ADAMTS6: variants seen among roughly 807,000 people sequenced by gnomAD.
ADAMTS6 encodes the protein A disintegrin and metalloproteinase with thrombospondin motifs 6.
Under a neutral mutation model 144.3 loss-of-function variants are expected in ADAMTS6, and 23 were observed. That is an observed-to-expected ratio of 0.16 (90% CI 0.11 to 0.23). The LOEUF (loss-of-function observed/expected upper bound fraction) is 0.23, where lower values mean the gene tolerates loss of function less well. ADAMTS6 is among the 10% of genes least tolerant of loss of function. ADAMTS6 has a pLI of 1.00. For missense variants in ADAMTS6, 999 were observed against 1,379.6 expected, an observed-to-expected ratio of 0.72 and a Z score of 4.37; for synonymous variants, 444 against 457.5, an observed-to-expected ratio of 0.97 and a Z score of 0.38.
At position 65,230,874 on chromosome 5, in the gene ADAMTS6, A is replaced by G. The variant is rs181519503; in HGVS notation, c.1934-4655T>C. On this transcript the variant is annotated intron_variant, in intron 15 of 24. Coordinates refer to ENST00000381055, the MANE Select transcript of ADAMTS6 (RefSeq NM_197941.4). The stretch of plus-strand genomic sequence containing the variant: ...TATATGAAATATATATAATACATAT[A>G]TATGAAATATATATAAAATACATAT... Among the ~76,000 whole-genome samples the G allele has an allele frequency of 2.4e-3, 339 of 143,092 alleles. 6 individuals are homozygous for G. The highest frequency in any genetic ancestry group is 8.0e-3 in the African/African-American group (314 of 39,456). 93.9% of individuals were successfully genotyped at this position (143,092 alleles called of 152,430 possible).
chr5:65,260,767 T>C, intron 13 of ADAMTS6, 104 bp from the exon 14 acceptor site: 1 of 768,694 alleles, frequency 1.3e-6, no homozygotes, highest in Non-Finnish European at 2.1e-6. Flanking sequence ...TTTCAAAAAA[T>C]ATATCATTTG....
At chr5:65,414,765 G>C (rs1326453963) in intron 7 of ADAMTS6, among the ~76,000 whole-genome samples, 1 of 152,148 alleles carries the variant, frequency 6.6e-6, no homozygotes, top group Non-Finnish European at 1.5e-5. Flanking sequence ...TTGTGAAAAT[G>C]TGTTTTGTAT....
chr5:65,455,593 T>G (rs1307827482), intron 4 of ADAMTS6, among the ~76,000 whole-genome samples: 1 of 151,686 alleles, frequency 6.6e-6, no homozygotes, highest in Non-Finnish European at 1.5e-5. Context: ...TTTCAAATAT[T>G]TTGTCCAGTA....
At chr5:65,240,833 A>G (rs79675994) in intron 15 of ADAMTS6, among the ~76,000 whole-genome samples, 2 of 152,180 alleles carry the variant, frequency 1.3e-5, no homozygotes, top group Non-Finnish European at 2.9e-5. Flanking sequence ...GGAATTTTGG[A>G]GGTAAAGCCA....
At chr5:65,446,481 C>T (rs916192462) in intron 7 of ADAMTS6, among the ~76,000 whole-genome samples, 4 of 152,090 alleles carry the variant, frequency 2.6e-5, no homozygotes, top group African/African-American at 4.8e-5. Context: ...ACTTGGTGTG[C>T]AATTTTTGCA....
chr5:65,292,429 A>C (rs1184814334), intron 10 of ADAMTS6, among the ~76,000 whole-genome samples: 1 of 151,552 alleles, frequency 6.6e-6, no homozygotes, highest in Non-Finnish European at 1.5e-5. Flanking sequence ...CACTTTGCCA[A>C]AGGAAAATAA....
chr5:65,408,156 C>T (rs976122450), intron 7 of ADAMTS6, among the ~76,000 whole-genome samples: 4 of 152,090 alleles, frequency 2.6e-5, no homozygotes, highest in Non-Finnish European at 2.9e-5. Context: ...CAATATTAAC[C>T]TTAAATGTAA....
chr5:65,376,865 A>G (rs1425231515), intron 7 of ADAMTS6, among the ~76,000 whole-genome samples: 1 of 152,030 alleles, frequency 6.6e-6, no homozygotes, highest in Non-Finnish European at 1.5e-5. Context: ...AAAAAAATTA[A>G]CAAAACAGCT....
chr5:65,332,373 T>C (rs934521269), intron 8 of ADAMTS6, among the ~76,000 whole-genome samples: 26 of 150,894 alleles, frequency 1.7e-4, no homozygotes, highest in African/African-American at 5.8e-4. Flanking sequence ...TGTGTGTATA[T>C]ACACATTTCT....
At chr5:65,228,492 T>G (rs1217137148) in intron 15 of ADAMTS6, among the ~76,000 whole-genome samples, 1 of 152,124 alleles carries the variant, frequency 6.6e-6, no homozygotes, top group Non-Finnish European at 1.5e-5. Flanking sequence ...AGCTTTCTAC[T>G]ATCATCTCCC....
intron 7 of ADAMTS6, among the ~76,000 whole-genome samples, chr5:65,340,806 AAAAC>A (rs1446458061): frequency 6.6e-6 from 1 of 152,106 alleles, no homozygotes; most frequent in Non-Finnish European, 1.5e-5. Flanking sequence ...TATATCAGAT[AAAAC>A]AAACTTGAAA....
intron 7 of ADAMTS6, among the ~76,000 whole-genome samples, chr5:65,398,041 C>A (rs1477434521): frequency 6.6e-6 from 1 of 151,944 alleles, no homozygotes; most frequent in Non-Finnish European, 1.5e-5. Flanking sequence ...TTTAATGGCC[C>A]AGAATGTGGT....
At chr5:65,290,906 G>A (rs1225316537) in intron 11 of ADAMTS6, among the ~76,000 whole-genome samples, 1 of 152,066 alleles carries the variant, frequency 6.6e-6, no homozygotes, top group Non-Finnish European at 1.5e-5. Flanking sequence ...GAAGCAACAT[G>A]AAGTGACTTA....
chr5:65,443,582 C>T (rs1758034657), intron 7 of ADAMTS6, among the ~76,000 whole-genome samples: 1 of 126,208 alleles, frequency 7.9e-6, no homozygotes, highest in African/African-American at 3.1e-5. Flanking sequence ...AAGATCACAA[C>T]ACTGCACTCC....
At chr5:65,255,976 T>A (rs997857449) in intron 14 of ADAMTS6, among the ~76,000 whole-genome samples, 8 of 152,186 alleles carry the variant, frequency 5.3e-5, no homozygotes, top group African/African-American at 1.9e-4. Flanking sequence ...CAAGTGATAC[T>A]CCCACCTCAA....
chr5:65,175,987 G>A (rs937356703), intron 22 of ADAMTS6, among the ~76,000 whole-genome samples: 1 of 152,028 alleles, frequency 6.6e-6, no homozygotes, highest in Non-Finnish European at 1.5e-5. Flanking sequence ...CAAAAGTAAA[G>A]TTTGCTAAAA....
At chr5:65,262,487 G>C (rs1761283890) in intron 13 of ADAMTS6, among the ~76,000 whole-genome samples, 1 of 152,146 alleles carries the variant, frequency 6.6e-6, no homozygotes, top group African/African-American at 2.4e-5. Flanking sequence ...TAGTAATGTA[G>C]CTAAGACCAG....
chr5:65,167,321 A>C (rs1443056360), intron 24 of ADAMTS6, among the ~76,000 whole-genome samples: 1 of 152,208 alleles, frequency 6.6e-6, no homozygotes, highest in Non-Finnish European at 1.5e-5. Flanking sequence ...CACCCTCCCA[A>C]GACTAAACCA....
intron 24 of ADAMTS6, among the ~76,000 whole-genome samples, chr5:65,153,557 T>C (rs947317400): frequency 6.6e-6 from 1 of 152,232 alleles, no homozygotes; most frequent in Non-Finnish European, 1.5e-5. Flanking sequence ...GGATACTGAA[T>C]TGCTATTATT....
Sources: allele counts gnomAD v4.1 joint callset (sites outside exome capture counted in the v4.1 genomes callset), GRCh38; gene constraint gnomAD v4.1.1; transcripts MANE v1.5; gene names NCBI Gene and HGNC (gene_info 2026-07-23, HGNC 2026-07-21).